CRNN: variants seen among roughly 807,000 people sequenced by gnomAD.
CRNN encodes cornulin.
Under a neutral mutation model 44.7 loss-of-function variants are expected in CRNN, and 39 were observed. That is an observed-to-expected ratio of 0.87 (90% CI 0.68 to 1.14). CRNN has a LOEUF of 1.14. CRNN is among the 50% of genes most tolerant of loss of function. CRNN has a pLI of 0.00. For missense variants in CRNN, 606 were observed against 605.1 expected, an observed-to-expected ratio of 1.00 and a Z score of -0.02; for synonymous variants, 240 against 231.8, an observed-to-expected ratio of 1.04 and a Z score of -0.32.
Position 152,409,404 on chromosome 1 carries a change from A to G in CRNN, c.*190T>C. The G allele has an allele frequency of 9.3e-7, 1 of 1,074,218 alleles. No homozygotes were observed. Among genetic ancestry groups the G allele is most frequent in the Non-Finnish European group, 1.3e-6 (1 of 773,818 alleles). 66.5% of individuals were successfully genotyped at this position (1,074,218 alleles called of 1,614,324 possible). On this transcript the variant is annotated 3_prime_UTR_variant, in exon 3 of 3. Transcript: ENST00000271835. Reference sequence around the variant, plus strand: ...GCTCCTGAGAGGGTCTGCACCGCAAAGCAGGTAAGAAAGAAGAGTTCAGGA... The same window carrying G: ...GCTCCTGAGAGGGTCTGCACCGCAAGGCAGGTAAGAAAGAAGAGTTCAGGA...
Position 152,412,166 on chromosome 1 carries a change from C to T in CRNN, c.68G>A (p.Gly23Asp). 11 of 1,613,730 alleles carry T rather than the reference C, an allele frequency of 6.8e-6. No individual in the cohort carries two copies. Among genetic ancestry groups the T allele is most frequent in the Non-Finnish European group, 9.3e-6 (11 of 1,179,664 alleles). ...EAFRRYARTE[G>D]NCTALTRGEL... ...CCCTCGGGTGAGCGCTGTGCAGTTG[C>T]CCTCCGTCCTTGCATAGCGCCTGAA... Residue 23 changes from glycine to aspartate, a missense_variant, in exon 2 of 3, where the codon GGC (glycine) becomes GAC (aspartate). Gly to Asp is a moderately conservative substitution (Grantham distance 94). Coordinates refer to ENST00000271835, the MANE Select transcript of CRNN (RefSeq NM_016190.3).
chr1:152,411,820 G>A (rs1478465863), intron 2 of CRNN, among the ~76,000 whole-genome samples: 1 of 152,188 alleles, frequency 6.6e-6, no homozygotes, highest in Non-Finnish European at 1.5e-5. Context: ...CCAAGGCTCT[G>A]CTCCTGTCTG....
chr1:152,409,525 G>A lies in CRNN; in HGVS notation c.*69C>T. ...TGTCCAGGGATGCACCCACTGGATT[G>A]GCCATGCAGGACAAGCCAAACTCTC... is the stretch of plus-strand genomic sequence containing the variant. On this transcript the variant is annotated 3_prime_UTR_variant, in exon 3 of 3. Transcript: ENST00000271835. The A allele has an allele frequency of 6.5e-7, 1 of 1,542,638 alleles. No homozygotes were observed. Among genetic ancestry groups the A allele is most frequent in the Non-Finnish European group, 8.7e-7 (1 of 1,145,374 alleles).
rs1034892236 is a variant in CRNN, at chr1:152,412,324, G to A, written c.-13-78C>T. ...TCCTTTATAGCACGTCTGCTGCTAG[G>A]TCTTTCCTTGCACGTTCAGCTCTGT... On this transcript the variant is annotated intron_variant, in intron 1 of 2. Transcript: ENST00000271835. The A allele has an allele frequency of 7.9e-6, 11 of 1,399,438 alleles. No individual in the cohort carries two copies. The African/African-American group carries it at 1.4e-4, about 18-fold the overall frequency. The allele number at this position is 1,399,438 out of a possible 1,614,324, so 86.7% of individuals were successfully genotyped here.
chr1:152,410,615 C>T lies in CRNN; in HGVS notation c.467G>A (p.Gly156Asp), dbSNP rs764561338. Residue 156 changes from glycine to aspartate, a missense_variant, in exon 3 of 3, where the codon GGT becomes GAT. Transcript: ENST00000271835. ...GACCCACGCAGAGCCAGTGGCCTGA[C>T]CCTGGGTCTGAACCCCAGGCCTGTT... ...GQNRPGVQTQ[G>D]QATGSAWVSS... 2 of 1,614,154 alleles carry T rather than the reference C, an allele frequency of 1.2e-6. No individual in the cohort carries two copies. Among genetic ancestry groups the T allele is most frequent in the Non-Finnish European group, 8.5e-7 (1 of 1,180,028 alleles).
In CRNN at chr1:152,412,108, G is replaced by C. The variant is rs777382082; in HGVS notation, c.126C>G (p.Ala42=). 1.2e-6 allele frequency: 2 copies of C among 1,607,600 alleles called. No individual in the cohort carries two copies. Among genetic ancestry groups the C allele is most frequent in the Non-Finnish European group, 1.7e-6 (2 of 1,175,262 alleles). ...ELKRLLEQEF[A]DVIVKPHDPA... ...CAGCACACCGTACCACAATCACATCGGCAAACTCTTGCTCCAAGAGTCTTT... is the reference window on the plus strand; with the variant it reads ...CAGCACACCGTACCACAATCACATCCGCAAACTCTTGCTCCAAGAGTCTTT... The change falls in exon 2 of 3, where the codon GCC becomes GCG. Residue 42 remains alanine (A), a synonymous_variant. Coordinates refer to ENST00000271835, the MANE Select transcript of CRNN (RefSeq NM_016190.3).
intron 1 of CRNN, 134 bp from the exon 2 acceptor site, chr1:152,412,380 A>C: frequency 6.9e-6 from 6 of 869,138 alleles, no homozygotes; most frequent in East Asian, 2.7e-5. Context: ...TTCCTACATA[A>C]TGCATCTTAT....
intron 1 of CRNN, among the ~76,000 whole-genome samples, chr1:152,413,942 C>T (rs930422403): frequency 1.3e-5 from 2 of 152,214 alleles, no homozygotes; most frequent in Non-Finnish European, 2.9e-5. Context: ...AAAAAAGAAA[C>T]CTTTGCTGAT....
chr1:152,412,085 G>A lies in CRNN; in HGVS notation c.138+11C>T, dbSNP rs530053726. On this transcript the variant is annotated intron_variant, in intron 2 of 2. Transcript: ENST00000271835. ...CTATGTCCCCTCTCCACCCGGCTCA[G>A]CACACCGTACCACAATCACATCGGC... The A allele has an allele frequency of 3.4e-5, 54 of 1,595,906 alleles. No individual in the cohort carries two copies. In the South Asian group the frequency reaches 5.3e-4, roughly 16 times the overall value.
chr1:152,413,385 T>G (rs1655824636), intron 1 of CRNN, among the ~76,000 whole-genome samples: 1 of 151,968 alleles, frequency 6.6e-6, no homozygotes, highest in Non-Finnish European at 1.5e-5. Context: ...AGATGACAAG[T>G]CTCAAATGCA....
Position 152,410,198 on chromosome 1 carries a change from G to T in CRNN, c.884C>A (p.Thr295Asn), listed in dbSNP as rs1256014091. 6.2e-7 allele frequency: 1 copy of T among 1,609,862 alleles called. No homozygotes were observed. Among genetic ancestry groups the T allele is most frequent in the African/African-American group, 1.4e-5 (1 of 73,184 alleles). ...GHAQIQAGTH[T>N]QTPTQTVEQD... ...CTCCACGGTCTGGGTGGGTGTCTGG[G>T]TGTGTGTCCCTGCCTGTATCTGAGC... The change falls in exon 3 of 3, where the codon ACC (threonine) becomes AAC (asparagine). Residue 295 changes from threonine (T) to asparagine (N), a missense_variant. Transcript: ENST00000271835.
At chr1:152,411,676 G>A (rs897810437) in intron 2 of CRNN, among the ~76,000 whole-genome samples, 3 of 152,198 alleles carry the variant, frequency 2.0e-5, no homozygotes, top group Non-Finnish European at 2.9e-5. Flanking sequence ...TAACTGCTTC[G>A]TGCAAGCCCA....
At position 152,412,102 on chromosome 1, in the gene CRNN, C is replaced by A. The variant is rs1280352375; in HGVS notation, c.132G>T (p.Val44=). The part of the protein sequence containing the change: ...KRLLEQEFAD[V]IVKPHDPATV... ...CCGGCTCAGCACACCGTACCACAAT[C>A]ACATCGGCAAACTCTTGCTCCAAGA... Residue 44 remains valine (V), a synonymous_variant, in exon 2 of 3, where the codon GTG becomes GTT. Transcript: ENST00000271835. 6.2e-7 allele frequency: 1 copy of A among 1,607,082 alleles called. No homozygotes were observed. Among genetic ancestry groups the A allele is most frequent in the Non-Finnish European group, 8.5e-7 (1 of 1,174,650 alleles).
chr1:152,410,472 T>C lies in CRNN; in HGVS notation c.610A>G (p.Thr204Ala), dbSNP rs752283935. ...GGCTGTCTCTCTGGCCTCATCTCTG[T>C]TGTCTGATTCCTCTTGCCTTCTCCA... ...KAGEGKRNQT[T>A]EMRPERQPQT... The change falls in exon 3 of 3, where the codon ACA becomes GCA. Residue 204 changes from threonine to alanine, a missense_variant. Physicochemically the swap from Thr to Ala is moderately conservative, Grantham distance 58 (BLOSUM62 0). Transcript: ENST00000271835. 1.9e-6 allele frequency: 3 copies of C among 1,614,216 alleles called. No individual in the cohort carries two copies. The highest frequency in any genetic ancestry group is 2.2e-5 in the South Asian group (2 of 91,076).
At chr1:152,412,324 G>T in intron 1 of CRNN, 78 bp from the exon 2 acceptor site, 1 of 1,399,550 alleles carries the variant, frequency 7.1e-7, no homozygotes, top group South Asian at 1.3e-5. Flanking sequence ...CTGCTGCTAG[G>T]TCTTTCCTTG....
In CRNN at chr1:152,410,185, G is replaced by C; in HGVS notation, c.897C>G (p.Thr299=). 1.2e-6 allele frequency: 2 copies of C among 1,610,276 alleles called. No homozygotes were observed. Among genetic ancestry groups the C allele is most frequent in the Non-Finnish European group, 1.7e-6 (2 of 1,179,290 alleles). ...IQAGTHTQTP[T]QTVEQDSSHQ... ...GGCTGCTGTCCTGCTCCACGGTCTG[G>C]GTGGGTGTCTGGGTGTGTGTCCCTG... The change falls in exon 3 of 3, where the codon ACC becomes ACG. Residue 299 remains threonine, a synonymous_variant. Transcript: ENST00000271835.
In CRNN at chr1:152,410,358, C is replaced by A. The variant is rs370909858; in HGVS notation, c.724G>T (p.Val242Leu). The change falls in exon 3 of 3, where the codon GTG (valine) becomes TTG (leucine). Residue 242 changes from valine to leucine, a missense_variant. Physicochemically the swap from Val to Leu is conservative, Grantham distance 32. Coordinates refer to ENST00000271835, the MANE Select transcript of CRNN (RefSeq NM_016190.3). The part of the protein sequence containing the change: ...TQTQAGATQT[V>L]EQDSSHQTGR... ...GTCTGGTGGCTGCTGTCCTGCTCCA[C>A]AGTCTGGGTGGCACCTGCCTGGGTC... is the stretch of plus-strand genomic sequence containing the variant. 30 of 1,614,046 alleles carry A rather than the reference C, an allele frequency of 1.9e-5. No individual in the cohort carries two copies. The highest frequency in any genetic ancestry group is 1.6e-4 in the Middle Eastern group (1 of 6,084).
intron 1 of CRNN, among the ~76,000 whole-genome samples, chr1:152,413,058 G>C (rs564109443): frequency 4.6e-5 from 7 of 152,060 alleles, no homozygotes; most frequent in Admixed American, 2.6e-4. Flanking sequence ...TGCTCAGGAG[G>C]GGGGAACCTT....
chr1:152,410,979 C>T, intron 2 of CRNN, 36 bp from the exon 3 acceptor site: 2 of 1,562,824 alleles, frequency 1.3e-6, no homozygotes, highest in South Asian at 2.4e-5. Flanking sequence ...GCATCCCTCC[C>T]CTGAGGAGGA....
Sources: gnomAD v4.1 joint callset for allele counts (sites outside exome capture counted in the v4.1 genomes callset) on GRCh38, gnomAD v4.1.1 for gene constraint, MANE v1.5 for transcripts, NCBI Gene and HGNC (gene_info 2026-07-23, HGNC 2026-07-21) for gene names.